Variants in SEPTIN7 observed in about 807,000 individuals in gnomAD.
SEPTIN7 encodes the protein septin-7.
In SEPTIN7, 10 loss-of-function variants were observed where a neutral mutation model predicts 63.3. The observed-to-expected ratio is 0.16, with a 90% CI of 0.10 to 0.27. SEPTIN7 has a LOEUF of 0.27. Ranked by LOEUF, SEPTIN7 falls within the 10% of genes least tolerant of loss-of-function variation. SEPTIN7 has a pLI of 1.00. For synonymous variants in SEPTIN7, 131 were observed against 165.3 expected (o/e 0.79, Z 1.59); for missense variants, 310 against 521.0 (o/e 0.59, Z 3.94).
intron 1 of SEPTIN7, among the ~76,000 whole-genome samples, chr7:35,816,379 T>A (rs1246858503): frequency 1.3e-5 from 2 of 152,226 alleles, no homozygotes; most frequent in African/African-American, 4.8e-5. Context: ...TTTTCAAGTT[T>A]TGTCTGTGTT....
chr7:35,856,031 T>C (rs1387714583), intron 3 of SEPTIN7, among the ~76,000 whole-genome samples: 1 of 152,212 alleles, frequency 6.6e-6, no homozygotes, highest in Non-Finnish European at 1.5e-5. Flanking sequence ...CATGTGTTTC[T>C]AATTTCCTTA....
chr7:35,912,516 AAGG>A, the SEPTIN7 span, among the ~76,000 whole-genome samples: 2 of 152,200 alleles, frequency 1.3e-5, no homozygotes, highest in South Asian at 4.1e-4. Flanking sequence ...CTCAGCTCTG[AAGG>A]CTGTGAGACC....
chr7:35,803,462 G>C (rs909104780), intron 1 of SEPTIN7, among the ~76,000 whole-genome samples: 31 of 152,210 alleles, frequency 2.0e-4, no homozygotes, highest in African/African-American at 7.0e-4. Flanking sequence ...AATGGAGAGT[G>C]ATCAGATGAG....
intron 1 of SEPTIN7, among the ~76,000 whole-genome samples, chr7:35,806,255 G>A (rs191501105): frequency 6.6e-6 from 1 of 152,130 alleles, no homozygotes; most frequent in South Asian, 2.1e-4. Flanking sequence ...AATATTCTTA[G>A]TATTTCCTAA....
At chr7:35,819,887 C>T (rs759219365) in intron 1 of SEPTIN7, among the ~76,000 whole-genome samples, 1 of 151,948 alleles carries the variant, frequency 6.6e-6, no homozygotes, top group Non-Finnish European at 1.5e-5. Context: ...TGATTGGAGT[C>T]CTATTATACC....
intron 6 of SEPTIN7, among the ~76,000 whole-genome samples, chr7:35,875,518 A>AATTG (rs1233154205): frequency 1.3e-5 from 2 of 152,104 alleles, no homozygotes; most frequent in African/African-American, 4.8e-5. Context: ...GATAATTATA[A>AATTG]ATTGGTCCAA....
At chr7:35,801,423 G>A in intron 1 of SEPTIN7, 153 bp downstream of exon 1, 1 of 900,834 alleles carries the variant, frequency 1.1e-6, no homozygotes, top group South Asian at 2.1e-5. Flanking sequence ...GGCCCGGGGC[G>A]CGGCAGCGGC....
At chr7:35,821,112 G>A (rs909452766) in intron 1 of SEPTIN7, among the ~76,000 whole-genome samples, 1 of 152,104 alleles carries the variant, frequency 6.6e-6, no homozygotes, top group African/African-American at 2.4e-5. Context: ...CTGTGATTGT[G>A]TGCTGATGGT....
chr7:35,840,137 CCCTTCCT>C (rs1405437183), intron 3 of SEPTIN7, among the ~76,000 whole-genome samples: 1 of 100,462 alleles, frequency 1.0e-5, no homozygotes, highest in Non-Finnish European at 2.0e-5. Flanking sequence ...TTCCCCTTCC[CCCTTCCT>C]CCTTCCCCCT....
At chr7:35,853,295 A>G (rs1785051168) in intron 3 of SEPTIN7, among the ~76,000 whole-genome samples, 1 of 152,110 alleles carries the variant, frequency 6.6e-6, no homozygotes, top group Non-Finnish European at 1.5e-5. Context: ...ATGTGGTGGC[A>G]TGCACCTGTA....
intron 3 of SEPTIN7, among the ~76,000 whole-genome samples, chr7:35,844,453 A>G (rs1784556691): frequency 6.6e-6 from 1 of 152,244 alleles, no homozygotes; most frequent in Admixed American, 6.5e-5. Flanking sequence ...TTAACTTTAT[A>G]TCTACTTTGT....
intron 1 of SEPTIN7, among the ~76,000 whole-genome samples, chr7:35,810,206 A>G (rs1029952436): frequency 1.3e-5 from 2 of 152,158 alleles, no homozygotes; most frequent in African/African-American, 4.8e-5. Context: ...TTTTATGTTT[A>G]GTAAGTGAGT....
At chr7:35,866,139 T>C (rs1785794710) in intron 4 of SEPTIN7, among the ~76,000 whole-genome samples, 1 of 152,202 alleles carries the variant, frequency 6.6e-6, no homozygotes, top group South Asian at 2.1e-4. Context: ...GTAGAAGTCC[T>C]CTTTCCTGAT....
Position 35,832,917 on chromosome 7 carries a change from T to A in SEPTIN7, c.169+17T>A. 1 of 1,420,068 alleles carries A rather than the reference T, an allele frequency of 7.0e-7. No homozygotes were observed. The highest frequency in any genetic ancestry group is 1.0e-6 in the Non-Finnish European group (1 of 1,004,506). The allele number at this position is 1,420,068 out of a possible 1,614,324, so 88.0% of individuals were successfully genotyped here. On this transcript the variant is annotated intron_variant, in intron 3 of 13. Coordinates refer to ENST00000350320, the MANE Select transcript of SEPTIN7 (RefSeq NM_001788.6). ...TGGTAGTGGGTAAGATATGATTTCTTACTAAAATGGAACTTTGGTTTAAGT... is the reference window on the plus strand; with the variant it reads ...TGGTAGTGGGTAAGATATGATTTCTAACTAAAATGGAACTTTGGTTTAAGT...
rs200578809 is a variant in SEPTIN7 at position 35,810,327 on chromosome 7, T to C, written c.61+9057T>C. The stretch of plus-strand genomic sequence containing the variant: ...TCTGGGGTAGTACTAAAATGTTTCC[T>C]TTTTTTTTTTTTTTGAGATGGAGTC... On this transcript the variant is annotated intron_variant, in intron 1 of 13. Coordinates refer to ENST00000350320, the MANE Select transcript of SEPTIN7 (RefSeq NM_001788.6). Among the ~76,000 whole-genome samples, 44 of 136,756 alleles carry C rather than the reference T, an allele frequency of 3.2e-4. 1 individual carries two copies. The East Asian group carries it at 8.1e-3, about 25-fold the overall frequency. 89.7% of individuals were successfully genotyped at this position (136,756 alleles called of 152,430 possible).
At chr7:35,812,320 AC>A (rs1026603331) in intron 1 of SEPTIN7, among the ~76,000 whole-genome samples, 4 of 122,976 alleles carry the variant, frequency 3.3e-5, no homozygotes, top group East Asian at 2.5e-4. Flanking sequence ...TCCCTTCCCC[AC>A]CCCCCCATTT....
chr7:35,806,668 T>C (rs1788359417), intron 1 of SEPTIN7, among the ~76,000 whole-genome samples: 1 of 152,236 alleles, frequency 6.6e-6, no homozygotes. Context: ...TCCCAGAGTT[T>C]CTTGTGCCCT....
chr7:35,808,221 C>T (rs547765523), intron 1 of SEPTIN7, among the ~76,000 whole-genome samples: 2 of 152,240 alleles, frequency 1.3e-5, no homozygotes, highest in Non-Finnish European at 2.9e-5. Flanking sequence ...CTTACTTCTA[C>T]CCCCAAGTCA....
chr7:35,826,991 G>C (rs1187760758), intron 1 of SEPTIN7, among the ~76,000 whole-genome samples: 1 of 152,136 alleles, frequency 6.6e-6, no homozygotes, highest in Non-Finnish European at 1.5e-5. Context: ...CTGAACTAAT[G>C]TAACCTTAGA....
Sources: gnomAD v4.1 joint callset for allele counts (sites outside exome capture counted in the v4.1 genomes callset) on GRCh38, gnomAD v4.1.1 for gene constraint, MANE v1.5 for transcripts, NCBI Gene and HGNC (gene_info 2026-07-23, HGNC 2026-07-21) for gene names.